The following MFSD2A variants were observed in gnomAD, a reference collection of about 807,000 sequenced individuals.
MFSD2A encodes MFSD2 lysolipid transporter A, lysophospholipid.
Under a neutral mutation model 64.7 loss-of-function variants are expected in MFSD2A, and 27 were observed. The ratio of observed to expected loss-of-function variants is 0.42; its 90% confidence interval spans 0.31 to 0.58. The LOEUF (loss-of-function observed/expected upper bound fraction) is 0.58, where lower values mean the gene tolerates loss of function less well. Ranked by LOEUF, MFSD2A falls within the 20% of genes least tolerant of loss-of-function variation. The probability of loss-of-function intolerance (pLI) is 0.18; values close to 1 mark genes in which losing one functional copy is unlikely to be tolerated. For missense variants in MFSD2A, 474 were observed against 679.5 expected (o/e 0.70, Z 3.36); for synonymous variants, 258 against 273.4 (o/e 0.94, Z 0.55).
Position 39,965,615 on chromosome 1 carries a change from G to T in MFSD2A, c.556+66G>T. On this transcript the variant is annotated intron_variant, in intron 5 of 13. Coordinates refer to ENST00000372811, the MANE Select transcript of MFSD2A (RefSeq NM_032793.5). The surrounding 1 kb of genome is among the most constrained non-coding windows in gnomAD (Gnocchi z 5.5). ...CCTCCAGCCATACTTCTTCCCTTGC[G>T]GGTCCAGCTCTTTGCTCTGCTCTAG... 1 of 1,521,746 alleles carries T rather than the reference G, an allele frequency of 6.6e-7. No homozygotes were observed. Among genetic ancestry groups the T allele is most frequent in the Non-Finnish European group, 9.1e-7 (1 of 1,097,438 alleles). 94.3% of individuals were successfully genotyped at this position (1,521,746 alleles called of 1,614,324 possible). A position where few individuals can be genotyped will look rare whatever the true frequency, so the allele number is the denominator to read the frequency against.
chr1:39,964,258 G>A lies in MFSD2A; in HGVS notation c.354-953G>A, dbSNP rs1645106973. 1 of 152,160 alleles carries A rather than the reference G, an allele frequency of 6.6e-6. No homozygotes were observed. The highest frequency in any genetic ancestry group is 1.5e-5 in the Non-Finnish European group (1 of 68,040). The allele number at this position is 152,160 out of a possible 1,614,324, so 9.4% of individuals were successfully genotyped here. ...TGTCAACTTTTCTGTTTGCCAACTA[G>A]TATGTAAGTTCCACAAGGGCAATGA... On this transcript the variant is annotated intron_variant, in intron 3 of 13. Coordinates refer to ENST00000372811, the MANE Select transcript of MFSD2A (RefSeq NM_032793.5). The surrounding 1 kb of genome is among the most constrained non-coding windows in gnomAD (Gnocchi z 4.1).
Position 39,969,660 on chromosome 1 carries a change from G to A in MFSD2A, c.*92G>A. On this transcript the variant is annotated 3_prime_UTR_variant, in exon 14 of 14. Coordinates refer to ENST00000372811, the MANE Select transcript of MFSD2A (RefSeq NM_032793.5). Reference sequence around the variant, plus strand: ...CTTGCTGAGCAGCTGGACTGCAGGTGCTAGGAAGGGAACTGAAGACTCAAG... The same window carrying A: ...CTTGCTGAGCAGCTGGACTGCAGGTACTAGGAAGGGAACTGAAGACTCAAG... 3 of 1,246,110 alleles carry A rather than the reference G, an allele frequency of 2.4e-6. No individual in the cohort carries two copies. The highest frequency in any genetic ancestry group is 3.4e-6 in the Non-Finnish European group (3 of 881,544). 77.2% of individuals were successfully genotyped at this position (1,246,110 alleles called of 1,614,324 possible).
Position 39,966,901 on chromosome 1 carries a change from C to G in MFSD2A, c.896C>G (p.Thr299Ser). 5 of 1,613,660 alleles carry G rather than the reference C, an allele frequency of 3.1e-6. No individual in the cohort carries two copies. Among genetic ancestry groups the G allele is most frequent in the Non-Finnish European group, 4.2e-6 (5 of 1,180,038 alleles). ...MSHGPYIKLI[T>S]GFLFTSLAFM... Reference sequence around the variant, plus strand: ...CACGGCCCATACATCAAACTTATTACTGGCTTCCTCTTCACCTCCTTGGCT... The same window carrying G: ...CACGGCCCATACATCAAACTTATTAGTGGCTTCCTCTTCACCTCCTTGGCT... The change falls in exon 8 of 14, where the codon ACT becomes AGT. Residue 299 changes from threonine to serine, a missense_variant. Transcript: ENST00000372811.
chr1:39,962,285 G>A (rs1053358005), intron 3 of MFSD2A, among the ~76,000 whole-genome samples: 4 of 152,158 alleles, frequency 2.6e-5, no homozygotes, highest in African/African-American at 7.2e-5. Flanking sequence ...TGCCTCAGAT[G>A]TCTAAAAGGC....
At position 39,965,643 on chromosome 1, in the gene MFSD2A, T is replaced by C; in HGVS notation, c.556+94T>C. On this transcript the variant is annotated intron_variant, in intron 5 of 13. Transcript: ENST00000372811. The surrounding 1 kb of genome is among the most constrained non-coding windows in gnomAD (Gnocchi z 5.5). ...TCCAGCTCTTTGCTCTGCTCTAGAG[T>C]GTGGGTGTGAAACCATCTTAAAAAT... 1 of 1,379,280 alleles carries C rather than the reference T, an allele frequency of 7.3e-7. No homozygotes were observed. The highest frequency in any genetic ancestry group is 1.0e-6 in the Non-Finnish European group (1 of 975,022). The allele number at this position is 1,379,280 out of a possible 1,614,324, so 85.4% of individuals were successfully genotyped here.
In MFSD2A at chr1:39,963,007, C is replaced by G. The variant is rs1645078723; in HGVS notation, c.354-2204C>G. On this transcript the variant is annotated intron_variant, in intron 3 of 13. Coordinates refer to ENST00000372811, the MANE Select transcript of MFSD2A (RefSeq NM_032793.5). The surrounding 1 kb of genome is among the most constrained non-coding windows in gnomAD (Gnocchi z 4.2). ...GAGGTGGCCACCGCCATCCGTGGGG[C>G]CATCATCCTGGCCAAGCTCTCCATT... is the stretch of plus-strand genomic sequence containing the variant. 6.7e-7 allele frequency: 1 copy of G among 1,495,224 alleles called. No homozygotes were observed. Among genetic ancestry groups the G allele is most frequent in the African/African-American group, 1.4e-5 (1 of 72,882 alleles). The allele number at this position is 1,495,224 out of a possible 1,614,324, so 92.6% of individuals were successfully genotyped here. A position where few individuals can be genotyped will look rare whatever the true frequency, so the allele number is the denominator to read the frequency against.
At position 39,965,281 on chromosome 1, in the gene MFSD2A, G is replaced by A. The variant is rs775197412; in HGVS notation, c.424G>A (p.Gly142Ser). The A allele has an allele frequency of 2.4e-5, 39 of 1,613,874 alleles. No homozygotes were observed. Among genetic ancestry groups the A allele is most frequent in the African/African-American group, 6.7e-5 (5 of 74,864 alleles). The part of the protein sequence containing the change: ...LIWFVPDFPH[G>S]QTYWYLLFYC... The stretch of plus-strand genomic sequence containing the variant: ...CTGGTTCGTGCCCGACTTCCCACAC[G>A]GCCAGACCTATTGGTACCTGCTTTT... Residue 142 changes from glycine to serine, a missense_variant, in exon 4 of 14, where the codon GGC becomes AGC. By Grantham distance (56) the Gly-to-Ser change is moderately conservative (BLOSUM62 0). Transcript: ENST00000372811. The surrounding 1 kb of genome is among the most constrained non-coding windows in gnomAD (Gnocchi z 5.5).
chr1:39,956,915 CAAAAAAAAAAAA>C (rs34385828), intron 1 of MFSD2A, among the ~76,000 whole-genome samples, 160 bp from the exon 2 acceptor site: 3 of 35,378 alleles, frequency 8.5e-5, no homozygotes, highest in Non-Finnish European at 1.1e-4. Flanking sequence ...GACTCTGTCT[CAAAAAAAAAAAA>C]AAAAAAAAAA....
rs938025072 is a variant in MFSD2A, at chr1:39,960,933, T to G, written c.353+2108T>G. 4.1e-4 allele frequency among the ~76,000 whole-genome samples: 63 copies of G among 152,316 alleles called. No individual in the cohort carries two copies. Among genetic ancestry groups the G allele is most frequent in the African/African-American group, 1.4e-3 (57 of 41,568 alleles). On this transcript the variant is annotated intron_variant, in intron 3 of 13. Coordinates refer to ENST00000372811, the MANE Select transcript of MFSD2A (RefSeq NM_032793.5). The surrounding 1 kb of genome is among the most constrained non-coding windows in gnomAD (Gnocchi z 4.8). ...TGCCTGTGTATGCCTGCACGCGGGATGGCTCGTGGGCTGAAGGCTGGTGTG... is the reference window on the plus strand; with the variant it reads ...TGCCTGTGTATGCCTGCACGCGGGAGGGCTCGTGGGCTGAAGGCTGGTGTG...
chr1:39,966,967 A>G lies in MFSD2A; in HGVS notation c.927+35A>G, dbSNP rs199917210. On this transcript the variant is annotated intron_variant, in intron 8 of 13. Transcript: ENST00000372811. Reference sequence around the variant, plus strand: ...TTCTGACATGCTCAGCCTGAGAAGGAGGTGTAATGGGAGCGGGGTGAGCAG... The same window carrying G: ...TTCTGACATGCTCAGCCTGAGAAGGGGGTGTAATGGGAGCGGGGTGAGCAG... 3.3e-4 allele frequency: 528 copies of G among 1,613,044 alleles called. 1 individual carries two copies. The African/African-American group carries it at 6.0e-3, about 18-fold the overall frequency.
Position 39,960,161 on chromosome 1 carries a change from C to T in MFSD2A, c.353+1336C>T, listed in dbSNP as rs904395568. On this transcript the variant is annotated intron_variant, in intron 3 of 13. Coordinates refer to ENST00000372811, the MANE Select transcript of MFSD2A (RefSeq NM_032793.5). The surrounding 1 kb of genome is among the most constrained non-coding windows in gnomAD (Gnocchi z 4.8). The stretch of plus-strand genomic sequence containing the variant: ...TGGTGCCACGGATCGGATCAGACGG[C>T]AGGGGAGACGCACAGGATAGGCTGT... 8.5e-5 allele frequency among the ~76,000 whole-genome samples: 13 copies of T among 152,238 alleles called. No individual in the cohort carries two copies. Among genetic ancestry groups the T allele is most frequent in the Admixed American group, 7.2e-4 (11 of 15,286 alleles).
At position 39,960,181 on chromosome 1, in the gene MFSD2A, G is replaced by T. The variant is rs1645004547; in HGVS notation, c.353+1356G>T. On this transcript the variant is annotated intron_variant, in intron 3 of 13. Transcript: ENST00000372811. The surrounding 1 kb of genome is among the most constrained non-coding windows in gnomAD (Gnocchi z 4.8). ...GACGGCAGGGGAGACGCACAGGATA[G>T]GCTGTCAGGCGGGGGCTCTGGTTCC... Among the ~76,000 whole-genome samples, 1 of 152,218 alleles carries T rather than the reference G, an allele frequency of 6.6e-6. No individual in the cohort carries two copies.
At chr1:39,967,572 G>T in intron 9 of MFSD2A, 56 bp from the exon 10 acceptor site, 3 of 1,527,866 alleles carry the variant, frequency 2.0e-6, no homozygotes, top group South Asian at 1.1e-5. Flanking sequence ...GGGAAGGGCA[G>T]GAGGGGCTCT....
intron 8 of MFSD2A, 21 bp from the exon 9 acceptor site, chr1:39,967,065 C>T (rs753111118): frequency 6.2e-7 from 1 of 1,613,656 alleles, no homozygotes; most frequent in Non-Finnish European, 8.5e-7. Flanking sequence ...CATTTCCTTC[C>T]CTACCTTGCT....
In MFSD2A at chr1:39,965,231, T is replaced by C. The variant is rs568115866; in HGVS notation, c.374T>C (p.Leu125Pro). ...CTCAGGATCATCTTCTCCACGCCCC[T>C]GGCCGTCATTGCCTACTTCCTCATC... ...LMPWIIFSTP[L>P]AVIAYFLIWF... Residue 125 changes from leucine (L) to proline (P), a missense_variant, in exon 4 of 14, where the codon CTG becomes CCG. Physicochemically the swap from Leu to Pro is moderately conservative, Grantham distance 98 (BLOSUM62 -3). Transcript: ENST00000372811. The surrounding 1 kb of genome is among the most constrained non-coding windows in gnomAD (Gnocchi z 5.5). 5.6e-6 allele frequency: 9 copies of C among 1,614,178 alleles called. No individual in the cohort carries two copies. The South Asian group carries it at 9.9e-5, about 18-fold the overall frequency.
At position 39,963,798 on chromosome 1, in the gene MFSD2A, G is replaced by A. The variant is rs1213934616; in HGVS notation, c.354-1413G>A. On this transcript the variant is annotated intron_variant, in intron 3 of 13. Transcript: ENST00000372811. The surrounding 1 kb of genome is among the most constrained non-coding windows in gnomAD (Gnocchi z 4.2). ...TCACCAGGCTGGAGTGCAGTGGTGCGATCTCGGCTCACTGCAACCTCTGCC... is the reference window on the plus strand; with the variant it reads ...TCACCAGGCTGGAGTGCAGTGGTGCAATCTCGGCTCACTGCAACCTCTGCC... Among the ~76,000 whole-genome samples, 5 of 152,180 alleles carry A rather than the reference G, an allele frequency of 3.3e-5. No individual in the cohort carries two copies. Among genetic ancestry groups the A allele is most frequent in the African/African-American group, 9.7e-5 (4 of 41,444 alleles).
At chr1:39,966,529 G>A in intron 6 of MFSD2A, 72 bp from the exon 7 acceptor site, 2 of 1,253,052 alleles carry the variant, frequency 1.6e-6, no homozygotes, top group South Asian at 1.3e-5. Flanking sequence ...CATTGAGTGG[G>A]GCTGCTGGAA....
At chr1:39,959,809 A>G (rs988159472) in intron 3 of MFSD2A, among the ~76,000 whole-genome samples, 3 of 152,222 alleles carry the variant, frequency 2.0e-5, no homozygotes, top group African/African-American at 7.2e-5. Flanking sequence ...ACTAAGTGCT[A>G]TGATGACCAC....
Position 39,962,896 on chromosome 1 carries a change from G to A in MFSD2A, c.354-2315G>A, listed in dbSNP as rs182263949. 2.2e-4 allele frequency: 344 copies of A among 1,575,352 alleles called. 2 individuals carry two copies. In the East Asian group the frequency reaches 7.0e-3, roughly 32 times the overall value. On this transcript the variant is annotated intron_variant, in intron 3 of 13. Transcript: ENST00000372811. ...ATTATGCCAGTGCAGAAGCAGACCC[G>A]TGCCGGCCAGCGCACCAGGTTCAAG...
Sources: allele counts gnomAD v4.1 joint callset (sites outside exome capture counted in the v4.1 genomes callset), GRCh38; gene constraint gnomAD v4.1.1; non-coding constraint Gnocchi (gnomAD v3.1); transcripts MANE v1.5; gene names NCBI Gene and HGNC (gene_info 2026-07-23, HGNC 2026-07-21).